MAOB: variants seen among roughly 807,000 people sequenced by gnomAD.
MAOB encodes amine oxidase [flavin-containing] B.
Under a neutral mutation model 41.9 loss-of-function variants are expected in MAOB, and 15 were observed. The ratio of observed to expected loss-of-function variants is 0.36; its 90% CI spans 0.24 to 0.55. The LOEUF (loss-of-function observed/expected upper bound fraction) is 0.55, where lower values mean the gene tolerates loss of function less well. Ranked by LOEUF, MAOB falls within the 20% of genes least tolerant of loss-of-function variation. The probability of loss-of-function intolerance (pLI) is 0.86; values close to 1 mark genes in which losing one functional copy is unlikely to be tolerated. For missense variants in MAOB, 345 were observed against 398.7 expected, an observed-to-expected ratio of 0.87 and a Z score of 1.15; for synonymous variants, 167 against 144.2, an observed-to-expected ratio of 1.16 and a Z score of -1.13.
chrX:43,859,546 GT>G (rs1433456274), intron 1 of MAOB, among the ~76,000 whole-genome samples: 2 of 111,133 alleles, frequency 1.8e-5, no homozygotes, highest in East Asian at 5.7e-4. Context: ...AAAAGAACTT[GT>G]TCATCTTTCC....
chrX:43,794,121 C>T lies in MAOB; in HGVS notation c.769-543G>A, dbSNP rs181278257. 4.5e-5 allele frequency among the ~76,000 whole-genome samples: 5 copies of T among 111,831 alleles called. No individual in the cohort carries two copies. In the East Asian group the frequency reaches 1.4e-3, roughly 32 times the overall value. Reference sequence around the variant, plus strand: ...CGATCTTTCGACCTTGTGATCTGCCCACCTTGGCCTCCCAAAGTGCTGGGA... The same window carrying T: ...CGATCTTTCGACCTTGTGATCTGCCTACCTTGGCCTCCCAAAGTGCTGGGA... On this transcript the variant is annotated intron_variant, in intron 7 of 14. Transcript: ENST00000378069.
At chrX:43,780,604 C>A (rs1357001432) in intron 9 of MAOB, among the ~76,000 whole-genome samples, 1 of 111,922 alleles carries the variant, frequency 8.9e-6, no homozygotes, top group East Asian at 2.8e-4. Context: ...AGGAATCAAG[C>A]GACTAAAAGT....
intron 1 of MAOB, among the ~76,000 whole-genome samples, chrX:43,876,392 G>C (rs1319805276): frequency 8.9e-6 from 1 of 112,530 alleles, no homozygotes; most frequent in East Asian, 2.8e-4. Context: ...GGAGAGGGAA[G>C]AGTATGGTGT....
chrX:43,775,062 T>G (rs1385083445), intron 12 of MAOB, 113 bp downstream of exon 12: 36 of 887,571 alleles, frequency 4.1e-5, no homozygotes, highest in East Asian at 4.8e-5. Flanking sequence ...GTTGTTTTTT[T>G]TTTTTTTTTT....
At chrX:43,800,575 A>G (rs1415772622) in intron 5 of MAOB, among the ~76,000 whole-genome samples, 1 of 111,331 alleles carries the variant, frequency 9.0e-6, no homozygotes, top group East Asian at 2.8e-4. Flanking sequence ...TTGAAAACAC[A>G]GGAGAGGCAT....
chrX:43,870,002 A>AT (rs951757027), intron 1 of MAOB, among the ~76,000 whole-genome samples: 6 of 111,828 alleles, frequency 5.4e-5, no homozygotes, highest in African/African-American at 1.6e-4. Context: ...TCCATTGTCC[A>AT]TTTTTTTTAT....
chrX:43,794,914 G>A (rs2034508286), intron 7 of MAOB, among the ~76,000 whole-genome samples: 1 of 107,756 alleles, frequency 9.3e-6, no homozygotes, highest in African/African-American at 3.4e-5. Context: ...TGAGAGAATG[G>A]AAAAAAGTGC....
intron 1 of MAOB, among the ~76,000 whole-genome samples, chrX:43,874,688 C>T (rs2035429424): frequency 9.0e-6 from 1 of 111,163 alleles, no homozygotes; most frequent in African/African-American, 3.3e-5. Context: ...AGATCACCTG[C>T]TAACTGAAGT....
chrX:43,854,165 T>A (rs1250511747), intron 1 of MAOB, among the ~76,000 whole-genome samples: 2 of 111,923 alleles, frequency 1.8e-5, no homozygotes, highest in African/African-American at 6.5e-5. Flanking sequence ...TCGAGTGACC[T>A]GTTGGAACTG....
intron 3 of MAOB, among the ~76,000 whole-genome samples, chrX:43,811,817 C>T (rs750490815): frequency 8.9e-6 from 1 of 111,915 alleles, no homozygotes; most frequent in Non-Finnish European, 1.9e-5. Flanking sequence ...TTCCCTCAAG[C>T]ATTTATCCTT....
chrX:43,778,684 C>T lies in MAOB; in HGVS notation c.1135G>A (p.Glu379Lys), dbSNP rs1330558368. Reference sequence around the variant, plus strand: ...ATAGGGTTGGGAAGCAGCCTTACCTCCAGAGCTTCTAGGGAACCCAGAACC... The same window carrying T: ...ATAGGGTTGGGAAGCAGCCTTACCTTCAGAGCTTCTAGGGAACCCAGAACC... ...AKVLGSLEAL[E>K]PVHYEEKNWC... is the part of the protein sequence containing the mutation. Residue 379 changes from glutamate to lysine, a missense_variant and splice_region_variant, in exon 11 of 15, where the codon GAG becomes AAG. Glu to Lys is a moderately conservative substitution (Grantham distance 56). Coordinates refer to ENST00000378069, the MANE Select transcript of MAOB (RefSeq NM_000898.5). 1 of 1,206,167 alleles carries T rather than the reference C, an allele frequency of 8.3e-7. No individual in the cohort carries two copies. Among genetic ancestry groups the T allele is most frequent in the East Asian group, 3.0e-5 (1 of 33,644 alleles).
At chrX:43,846,369 C>T (rs755400198) in intron 1 of MAOB, among the ~76,000 whole-genome samples, 1 of 112,405 alleles carries the variant, frequency 8.9e-6, no homozygotes, top group South Asian at 3.7e-4. Flanking sequence ...AAACAAAAGA[C>T]TTATCAAATC....
intron 7 of MAOB, among the ~76,000 whole-genome samples, chrX:43,795,474 TC>T (rs1382406444): frequency 9.0e-6 from 1 of 110,754 alleles, no homozygotes; most frequent in Non-Finnish European, 1.9e-5. Context: ...ATTGATTAAA[TC>T]ATTGGCCTCT....
chrX:43,848,878 A>G (rs528412632), intron 1 of MAOB, among the ~76,000 whole-genome samples: 1 of 111,991 alleles, frequency 8.9e-6, no homozygotes, highest in Admixed American at 9.5e-5. Flanking sequence ...TCACTCTGAC[A>G]AAGCAGTGGT....
In MAOB at chrX:43,793,474, C is replaced by T. The variant is rs778555521; in HGVS notation, c.873G>A (p.Leu291=). ...AAACTATACACTTGATGACTGAACC[C>T]AAAGGCACACGAGTGATCATCTGGT... ...MRNQMITRVP[L]GSVIKCIVYY... The change falls in exon 8 of 15, where the codon TTG becomes TTA. Residue 291 remains leucine, a synonymous_variant. Coordinates refer to ENST00000378069, the MANE Select transcript of MAOB (RefSeq NM_000898.5). 2 of 1,204,981 alleles carry T rather than the reference C, an allele frequency of 1.7e-6. No individual in the cohort carries two copies. The highest frequency in any genetic ancestry group is 1.8e-5 in the South Asian group (1 of 56,333).
At chrX:43,828,611 G>A (rs1052925266) in intron 3 of MAOB, among the ~76,000 whole-genome samples, 1 of 111,004 alleles carries the variant, frequency 9.0e-6, no homozygotes, top group African/African-American at 3.3e-5. Flanking sequence ...GGCCTGCCCC[G>A]CAATTCAGTC....
chrX:43,859,878 G>A (rs1382360776), intron 1 of MAOB, among the ~76,000 whole-genome samples: 1 of 111,554 alleles, frequency 9.0e-6, no homozygotes, highest in Non-Finnish European at 1.9e-5. Context: ...TATACACATT[G>A]CATCTATTTC....
chrX:43,864,807 C>A (rs1332362366), intron 1 of MAOB, among the ~76,000 whole-genome samples: 3 of 111,099 alleles, frequency 2.7e-5, no homozygotes, highest in African/African-American at 9.8e-5. Flanking sequence ...AAGAGTTTTT[C>A]CCAAAGGATC....
At chrX:43,828,306 A>G (rs1362905229) in intron 3 of MAOB, among the ~76,000 whole-genome samples, 1 of 112,214 alleles carries the variant, frequency 8.9e-6, no homozygotes, top group African/African-American at 3.2e-5. Context: ...ATGGCTCTCT[A>G]TTCTTACGTT....
Sources: allele counts gnomAD v4.1 joint callset (sites outside exome capture counted in the v4.1 genomes callset), GRCh38; gene constraint gnomAD v4.1.1; transcripts MANE v1.5; gene names NCBI Gene and HGNC (gene_info 2026-07-23, HGNC 2026-07-21).